The following SLC5A11 variants were observed in gnomAD, a reference collection of about 807,000 sequenced individuals.
The protein encoded by SLC5A11 is solute carrier family 5 member 11.
A neutral mutation model predicts 69.8 loss-of-function variants in SLC5A11; 48 were observed. The ratio of observed to expected loss-of-function variants is 0.69; its 90% CI spans 0.55 to 0.87. The LOEUF (loss-of-function observed/expected upper bound fraction) is 0.87, where lower values mean the gene tolerates loss of function less well. SLC5A11 is among the 40% of genes least tolerant of loss of function. SLC5A11 has a pLI of 0.00. For synonymous variants in SLC5A11, 319 were observed against 342.4 expected, an observed-to-expected ratio of 0.93 and a Z score of 0.75; for missense variants, 784 against 866.1, an observed-to-expected ratio of 0.91 and a Z score of 1.19.
intron 4 of SLC5A11, among the ~76,000 whole-genome samples, 181 bp from the exon 6 acceptor site, chr16:24,871,979 G>A (rs557649296): frequency 2.0e-5 from 3 of 152,140 alleles, no homozygotes; most frequent in Non-Finnish European, 2.9e-5. Flanking sequence ...CTTCCTTCCC[G>A]AATCCATTCC....
chr16:24,855,288 A>G, intron 1 of SLC5A11, among the ~76,000 whole-genome samples: 1 of 152,038 alleles, frequency 6.6e-6, no homozygotes, highest in South Asian at 2.1e-4. Flanking sequence ...GCCCCCATGG[A>G]TGGGATTAGC....
intron 3 of SLC5A11, among the ~76,000 whole-genome samples, chr16:24,869,592 C>T (rs904263136): frequency 9.9e-5 from 15 of 152,214 alleles, no homozygotes; most frequent in African/African-American, 2.9e-4. Context: ...CCCCGACCCC[C>T]GCAGGGATAC....
chr16:24,851,736 A>T (rs1270635220), intron 1 of SLC5A11, among the ~76,000 whole-genome samples: 1 of 152,178 alleles, frequency 6.6e-6, no homozygotes, highest in Non-Finnish European at 1.5e-5. Flanking sequence ...CGTATGTCTA[A>T]TTATTAACCT....
At chr16:24,876,881 A>G (rs890008316) in intron 6 of SLC5A11, 2 of 159,030 alleles carry the variant, frequency 1.3e-5, no homozygotes, top group Non-Finnish European at 2.7e-5. Flanking sequence ...GTACGAAGTG[A>G]GTATTTAGCC....
chr16:24,852,648 C>T (rs2059360071), intron 1 of SLC5A11, among the ~76,000 whole-genome samples: 1 of 152,160 alleles, frequency 6.6e-6, no homozygotes, highest in Non-Finnish European at 1.5e-5. Context: ...TGCCCGGGGT[C>T]ACTTCACCGA....
intron 7 of SLC5A11, among the ~76,000 whole-genome samples, chr16:24,881,204 TAA>T (rs879333733): frequency 4.3e-5 from 6 of 138,754 alleles, no homozygotes; most frequent in Admixed American, 7.2e-5. Flanking sequence ...AAACTCAAAT[TAA>T]AAAAAAAAAA....
At chr16:24,905,513 C>G (rs1002207291) in intron 10 of SLC5A11, among the ~76,000 whole-genome samples, 1 of 151,774 alleles carries the variant, frequency 6.6e-6, no homozygotes, top group Non-Finnish European at 1.5e-5. Context: ...ATGGTACATG[C>G]CTGTAATTCC....
At chr16:24,864,036 T>C (rs1009602887) in intron 3 of SLC5A11, among the ~76,000 whole-genome samples, 1 of 152,240 alleles carries the variant, frequency 6.6e-6, no homozygotes, top group Non-Finnish European at 1.5e-5. Flanking sequence ...GTGGTAATTG[T>C]TTAACATTGC....
Position 24,907,896 on chromosome 16 carries a change from C to G in SLC5A11, c.1266-67C>G, listed in dbSNP as rs998897510. On this transcript the variant is annotated intron_variant, in intron 12 of 15. Coordinates refer to ENST00000347898, the Ensembl canonical transcript of SLC5A11. ...ACAAGACCCTGTCTATTAAAAGAGA[C>G]AGAGAGAGGGAAAGAGGAGTAAATG... is the stretch of plus-strand genomic sequence containing the variant. The G allele has an allele frequency of 3.8e-6, 6 of 1,585,610 alleles. No homozygotes were observed. In the African/African-American group the frequency reaches 8.3e-5, roughly 22 times the overall value.
intron 10 of SLC5A11, 29 bp downstream of exon 11, chr16:24,898,138 T>C (rs780948920): frequency 3.1e-6 from 5 of 1,610,900 alleles, no homozygotes; most frequent in Non-Finnish European, 4.2e-6. Flanking sequence ...GAAGAGGTCA[T>C]TGGTATGTGA....
chr16:24,909,065 G>A, exon 14 of SLC5A11: 1 of 1,614,156 alleles, frequency 6.2e-7, no homozygotes, highest in Middle Eastern at 1.6e-4. Flanking sequence ...TCCACCGTGA[G>A]CTGGTTCACA....
In SLC5A11 at chr16:24,893,321, G is replaced by A. The variant is rs555756984; in HGVS notation, c.870+2247G>A. 4.7e-4 allele frequency among the ~76,000 whole-genome samples: 62 copies of A among 131,700 alleles called. No individual in the cohort carries two copies. In the Middle Eastern group the frequency reaches 0.012, roughly 25 times the overall value. 86.4% of individuals were successfully genotyped at this position (131,700 alleles called of 152,430 possible). A position where few individuals can be genotyped will look rare whatever the true frequency, so the allele number is the denominator to read the frequency against. On this transcript the variant is annotated intron_variant, in intron 9 of 15. Coordinates refer to ENST00000347898, the Ensembl canonical transcript of SLC5A11. Reference sequence around the variant, plus strand: ...AATTAATTAATTAATTAATTATGCCGGGCACAGTGACTCATGCCTGTAATT... The same window carrying A: ...AATTAATTAATTAATTAATTATGCCAGGCACAGTGACTCATGCCTGTAATT...
intron 4 of SLC5A11, 47 bp downstream of exon 5, chr16:24,870,052 C>T: frequency 3.5e-5 from 45 of 1,292,522 alleles, no homozygotes; most frequent in Non-Finnish European, 4.4e-5. Context: ...CTCTACCTAA[C>T]AGGTAGATCT....
intron 1 of SLC5A11, among the ~76,000 whole-genome samples, chr16:24,847,775 C>T (rs557183888): frequency 1.2e-4 from 18 of 152,300 alleles, no homozygotes; most frequent in Admixed American, 4.6e-4. Flanking sequence ...CTTTTTTGGG[C>T]GGTCACAGCG....
chr16:24,908,157 C>T (rs771695121), intron 13 of SLC5A11, 26 bp downstream of exon 14: 39 of 1,545,804 alleles, frequency 2.5e-5, no homozygotes, highest in Non-Finnish European at 3.2e-5. Context: ...TCCCACTATG[C>T]CAGAACCAAG....
At position 24,862,599 on chromosome 16, in the gene SLC5A11, A is replaced by G. The variant is rs763803385; in HGVS notation, c.136-2A>G. The stretch of plus-strand genomic sequence containing the variant: ...CACCCACCTCTCTTCTTTTTTTTTC[A>G]GTCCACAGTGAAGACCAAAAGAGAC... On this transcript the variant is annotated splice_acceptor_variant, in intron 2 of 15. Transcript: ENST00000347898. LOFTEE classifies it high-confidence loss of function. The G allele has an allele frequency of 6.2e-7, 1 of 1,609,220 alleles. No homozygotes were observed. The highest frequency in any genetic ancestry group is 1.7e-5 in the Admixed American group (1 of 59,708).
At chr16:24,894,297 G>A (rs1696207478) in intron 9 of SLC5A11, among the ~76,000 whole-genome samples, 1 of 152,098 alleles carries the variant, frequency 6.6e-6, no homozygotes, top group South Asian at 2.1e-4. Flanking sequence ...GCTCCACCAT[G>A]ACAGCTCTCC....
chr16:24,893,249 T>C (rs1458323703), intron 9 of SLC5A11, among the ~76,000 whole-genome samples: 5 of 151,296 alleles, frequency 3.3e-5, no homozygotes, highest in African/African-American at 1.2e-4. Flanking sequence ...GATCATGCCA[T>C]TGCACTCCAG....
chr16:24,885,681 A>C (rs1486543643), intron 8 of SLC5A11, among the ~76,000 whole-genome samples: 1 of 135,334 alleles, frequency 7.4e-6, no homozygotes, highest in South Asian at 2.4e-4. Context: ...AAAAAAAAAA[A>C]GGCTATGAAA....
Sources: gnomAD v4.1 joint callset for allele counts (sites outside exome capture counted in the v4.1 genomes callset) on GRCh38, gnomAD v4.1.1 for gene constraint, MANE v1.5 for transcripts, NCBI Gene and HGNC (gene_info 2026-07-23, HGNC 2026-07-21) for gene names.